TAF6: variants seen among roughly 807,000 people sequenced by gnomAD.
The protein encoded by TAF6 is TATA-box binding protein associated factor 6.
In TAF6, 50 loss-of-function variants were observed where a neutral mutation model predicts 73.5. That is an observed-to-expected ratio of 0.68 (90% CI 0.54 to 0.86). The LOEUF is 0.86. Ranked by LOEUF, TAF6 falls within the 40% of genes least tolerant of loss-of-function variation. The probability of loss-of-function intolerance (pLI) is 0.00; values close to 1 mark genes in which losing one functional copy is unlikely to be tolerated. For missense variants in TAF6, 768 were observed against 899.5 expected (o/e 0.85, Z 1.87); for synonymous variants, 424 against 376.7 (o/e 1.13, Z -1.45).
chr7:100,122,186 C>A, upstream of TAF6: 1 of 1,585,142 alleles, frequency 6.3e-7, no homozygotes, highest in South Asian at 1.1e-5. Flanking sequence ...TCTGCTGCCT[C>A]AGGTCATCTG....
At chr7:100,110,612 G>A (rs1797084598) in intron 10 of TAF6, among the ~76,000 whole-genome samples, 1 of 152,214 alleles carries the variant, frequency 6.6e-6, no homozygotes, top group Admixed American at 6.5e-5. Context: ...GGGAGTTCTA[G>A]AGCAGCCTGA....
chr7:100,122,521 C>T (rs933974511), upstream of TAF6: 16 of 1,613,866 alleles, frequency 9.9e-6, no homozygotes, highest in East Asian at 2.5e-4. Context: ...TTTATGTGAG[C>T]GGATCCTGGA....
the TAF6 span, among the ~76,000 whole-genome samples, chr7:100,125,760 G>A: frequency 1.3e-5 from 2 of 152,180 alleles, no homozygotes; most frequent in Admixed American, 6.5e-5. Context: ...GACCAGCCTG[G>A]AGGCTGGGCG....
Position 100,108,041 on chromosome 7 carries a change from G to A in TAF6, c.1541C>T (p.Ala514Val). ...PGLLKVPGSI[A>V]LPVQTLVSAR... ...AGACACCAGTGTCTGGACAGGAAGT[G>A]CGATGGAGCCAGGAACCTTCAGCAA... Residue 514 changes from alanine (A) to valine (V), a missense_variant, in exon 14 of 15, where the codon GCA becomes GTA. Ala to Val is a moderately conservative substitution (Grantham distance 64). Transcript: ENST00000453269. 3 of 1,613,738 alleles carry A rather than the reference G, an allele frequency of 1.9e-6. No individual in the cohort carries two copies. The highest frequency in any genetic ancestry group is 2.5e-6 in the Non-Finnish European group (3 of 1,179,938).
chr7:100,108,108 T>C lies in TAF6; in HGVS notation c.1474A>G (p.Thr492Ala). The C allele has an allele frequency of 6.2e-7, 1 of 1,604,340 alleles. No homozygotes were observed. Among genetic ancestry groups the C allele is most frequent in the Non-Finnish European group, 8.5e-7 (1 of 1,177,070 alleles). ...LTITQPRPTL[T>A]LSQAPQPGPR... ...CCAGGCTGTGGGGCCTGCGAGAGGG[T>C]CAGCGTGGGCCGGGGCTGCGGGGAG... The change falls in exon 14 of 15, where the codon ACC (threonine) becomes GCC (alanine). Residue 492 changes from threonine (T) to alanine (A), a missense_variant. Coordinates refer to ENST00000453269, the MANE Select transcript of TAF6 (RefSeq NM_139315.3).
chr7:100,108,241 C>T, intron 13 of TAF6, 118 bp from the exon 14 acceptor site: 1 of 1,458,590 alleles, frequency 6.9e-7, no homozygotes, highest in Non-Finnish European at 9.1e-7. Flanking sequence ...CTGGGGCATC[C>T]TCACTCAGGG....
chr7:100,109,193 G>A (rs1293330643), intron 12 of TAF6, among the ~76,000 whole-genome samples: 9 of 150,858 alleles, frequency 6.0e-5, no homozygotes, highest in East Asian at 2.0e-4. Context: ...GCATGGTGGC[G>A]CGTGCCTGTG....
In TAF6 at chr7:100,114,060, G is replaced by A. The variant is rs199595611; in HGVS notation, c.150C>T (p.Ile50=). The A allele has an allele frequency of 3.4e-5, 55 of 1,613,974 alleles. No individual in the cohort carries two copies. Among genetic ancestry groups the A allele is most frequent in the Admixed American group, 1.3e-4 (8 of 59,998 alleles). ...GACAGAAGGGCCGGGTCACCTGTGC[G>A]ATCTCTTTGATGCGGTAGCTGACCT... ...TDEVSYRIKE[I]AQDALKFMHM... is the part of the protein sequence containing the mutation. Residue 50 remains isoleucine, a synonymous_variant, in exon 2 of 15, where the codon ATC becomes ATT. Transcript: ENST00000453269.
chr7:100,112,904 T>C lies in TAF6; in HGVS notation c.468A>G (p.Gln156=). Residue 156 remains glutamine (Q), a synonymous_variant, in exon 6 of 15, where the codon CAA becomes CAG. Coordinates refer to ENST00000453269, the MANE Select transcript of TAF6 (RefSeq NM_139315.3). ...PENPPPAPKE[Q]QKAEATEPLK... The stretch of plus-strand genomic sequence containing the variant: ...GGGGTTCTGTGGCTTCAGCCTTCTG[T>C]TGCTCTTTGGGAGCTGGTGGGAAAG... The C allele has an allele frequency of 6.2e-7, 1 of 1,612,886 alleles. No homozygotes were observed. The highest frequency in any genetic ancestry group is 8.5e-7 in the Non-Finnish European group (1 of 1,179,208).
At chr7:100,121,943 G>A (rs10225723), upstream of TAF6, 421 of 257,302 alleles carry the variant, frequency 1.6e-3, 1 homozygote, top group African/African-American at 8.3e-3. Context: ...CCAGCTACTC[G>A]GGAGACTGAG....
intron 6 of TAF6, among the ~76,000 whole-genome samples, chr7:100,112,572 G>A (rs181016665): frequency 7.2e-5 from 11 of 152,232 alleles, no homozygotes; most frequent in East Asian, 3.9e-4. Context: ...AAAATTAGCC[G>A]GGCGTGGTGG....
At chr7:100,119,796 G>A, upstream of TAF6, 1 of 1,614,168 alleles carries the variant, frequency 6.2e-7, no homozygotes, top group Non-Finnish European at 8.5e-7. Flanking sequence ...GGCCGTGCAC[G>A]AGGCTTGGGC....
At chr7:100,119,673 G>A (rs776579969), upstream of TAF6, 1 of 1,612,254 alleles carries the variant, frequency 6.2e-7, no homozygotes, top group East Asian at 2.2e-5. Context: ...AGCCGCCTGG[G>A]AATTTAAGGG....
chr7:100,113,807 C>T (rs774236889), intron 3 of TAF6, 38 bp from the exon 4 acceptor site: 19 of 1,612,650 alleles, frequency 1.2e-5, no homozygotes, highest in Middle Eastern at 3.3e-4. Context: ...AGAAGGGAGC[C>T]GGAGGAGACC....
In TAF6 at chr7:100,113,922, C is replaced by T; in HGVS notation, c.189G>A (p.Arg63=). Residue 63 remains arginine, a synonymous_variant, in exon 3 of 15, where the codon CGG becomes CGA. Transcript: ENST00000453269. ...CAATGTCACTGGTGGTGAGCTTCTGCCGCTTCCCCATGTGCATGAACTTCA... is the reference window on the plus strand; with the variant it reads ...CAATGTCACTGGTGGTGAGCTTCTGTCGCTTCCCCATGTGCATGAACTTCA... ...DALKFMHMGK[R]QKLTTSDIDY... is the part of the protein sequence containing the mutation. 1 of 1,614,046 alleles carries T rather than the reference C, an allele frequency of 6.2e-7. No individual in the cohort carries two copies. Among genetic ancestry groups the T allele is most frequent in the Non-Finnish European group, 8.5e-7 (1 of 1,180,018 alleles).
upstream of TAF6, chr7:100,122,177 C>T: frequency 1.9e-6 from 3 of 1,563,896 alleles, no homozygotes; most frequent in Non-Finnish European, 2.6e-6. Context: ...CTTGTATGCT[C>T]TGCTGCCTCA....
Position 100,111,831 on chromosome 7 carries a change from T to C in TAF6, c.799-2A>G, listed in dbSNP as rs369447316. 3 of 1,614,096 alleles carry C rather than the reference T, an allele frequency of 1.9e-6. No homozygotes were observed. The highest frequency in any genetic ancestry group is 2.5e-6 in the Non-Finnish European group (3 of 1,180,040). On this transcript the variant is annotated splice_acceptor_variant, in intron 8 of 14. Coordinates refer to ENST00000453269, the MANE Select transcript of TAF6 (RefSeq NM_139315.3). LOFTEE classifies it high-confidence loss of function. ...GTTCTGAACCACGTTCACACGGACC[T>C]GTGGGAGGGAGAAGTGCTGGGCATG...
At chr7:100,121,117 T>TATACATATATA (rs1491228284), upstream of TAF6, 1 of 35,162 alleles carries the variant, frequency 2.8e-5, no homozygotes, top group Non-Finnish European at 4.9e-5. Context: ...TATATATATA[T>TATACATATATA]TTTTTTTTTT....
intron 13 of TAF6, 90 bp downstream of exon 13, chr7:100,108,275 CTG>C (rs1796773511): frequency 6.0e-6 from 9 of 1,491,424 alleles, no homozygotes. Flanking sequence ...AGACTACTGA[CTG>C]AGGGCACATG....
Sources: gnomAD v4.1 joint callset for allele counts (sites outside exome capture counted in the v4.1 genomes callset) on GRCh38, gnomAD v4.1.1 for gene constraint, MANE v1.5 for transcripts, NCBI Gene and HGNC (gene_info 2026-07-23, HGNC 2026-07-21) for gene names.